EXO1: variants seen among roughly 807,000 people sequenced by gnomAD.
EXO1 encodes exonuclease 1.
A neutral mutation model predicts 84.5 loss-of-function variants in EXO1; 69 were observed. The ratio of observed to expected loss-of-function variants is 0.82; its 90% CI spans 0.67 to 1.00. EXO1 has a LOEUF of 1.00. Ranked by LOEUF, EXO1 falls within the 50% of genes least tolerant of loss-of-function variation. The pLI is 0.00. For missense variants in EXO1, 1,045 were observed against 1,000.7 expected (o/e 1.04, Z -0.60); for synonymous variants, 373 against 366.1 (o/e 1.02, Z -0.21).
At chr1:241,859,329 A>G (rs1028422891) in intron 8 of EXO1, among the ~76,000 whole-genome samples, 3 of 152,192 alleles carry the variant, frequency 2.0e-5, no homozygotes, top group African/African-American at 7.2e-5. Context: ...GTGTTCGTAT[A>G]CAAGTTGAAC....
intron 12 of EXO1, among the ~76,000 whole-genome samples, chr1:241,873,975 T>C (rs1216663499): frequency 6.6e-6 from 1 of 152,054 alleles, no homozygotes; most frequent in African/African-American, 2.4e-5. Flanking sequence ...GTCAGTGCTG[T>C]GATGACCTCT....
At chr1:241,879,638 C>T (rs1662628411) in intron 13 of EXO1, among the ~76,000 whole-genome samples, 1 of 152,142 alleles carries the variant, frequency 6.6e-6, no homozygotes, top group Non-Finnish European at 1.5e-5. Flanking sequence ...GAGTGATAAT[C>T]TGTGAAATGA....
At chr1:241,882,051 A>C (rs777458269) in intron 14 of EXO1, 34 bp downstream of exon 14, 42 of 1,077,514 alleles carry the variant, frequency 3.9e-5, no homozygotes, top group Middle Eastern at 4.0e-4. Context: ...TTTTAATTTC[A>C]GAAGCGGTGT....
At chr1:241,888,377 T>C (rs1300156295) in intron 15 of EXO1, among the ~76,000 whole-genome samples, 2 of 150,546 alleles carry the variant, frequency 1.3e-5, no homozygotes, top group Non-Finnish European at 3.0e-5. Context: ...AGAATACAAA[T>C]AGTCCTGGTA....
chr1:241,874,748 C>T (rs1046024527), intron 12 of EXO1, among the ~76,000 whole-genome samples: 4 of 152,210 alleles, frequency 2.6e-5, no homozygotes, highest in East Asian at 1.9e-4. Flanking sequence ...GCCTTAGGGC[C>T]GATGAAAGGA....
intron 6 of EXO1, 115 bp from the exon 7 acceptor site, chr1:241,857,230 A>G: frequency 1.0e-6 from 1 of 969,968 alleles, no homozygotes; most frequent in Non-Finnish European, 1.6e-6. Flanking sequence ...ATGATTTCTC[A>G]AAGTAATATT....
intron 11 of EXO1, among the ~76,000 whole-genome samples, chr1:241,871,686 A>C (rs1222892951): frequency 1.3e-5 from 2 of 152,122 alleles, no homozygotes; most frequent in African/African-American, 4.8e-5. Flanking sequence ...TTTACATATA[A>C]ATTTTCCTGG....
intron 9 of EXO1, among the ~76,000 whole-genome samples, chr1:241,861,153 C>T (rs1449663435): frequency 6.6e-6 from 1 of 152,220 alleles, no homozygotes; most frequent in East Asian, 1.9e-4. Flanking sequence ...GGACTTTCCC[C>T]TCTGTTTCCC....
chr1:241,885,542 A>T, intron 15 of EXO1, 35 bp downstream of exon 15: 1 of 1,488,240 alleles, frequency 6.7e-7, no homozygotes, highest in Non-Finnish European at 9.4e-7. Flanking sequence ...GAAACAAGAT[A>T]AACTGTTATT....
intron 15 of EXO1, among the ~76,000 whole-genome samples, chr1:241,888,237 G>C (rs997718735): frequency 3.9e-5 from 6 of 152,020 alleles, no homozygotes; most frequent in Non-Finnish European, 7.4e-5. Flanking sequence ...ACGAGACCTT[G>C]TCTCAAAAAA....
chr1:241,861,551 G>C, intron 10 of EXO1, 49 bp downstream of exon 10: 1 of 995,398 alleles, frequency 1.0e-6, no homozygotes, highest in South Asian at 1.3e-5. Flanking sequence ...GTTATGTCCC[G>C]AGCTGTGATT....
At position 241,872,229 on chromosome 1, in the gene EXO1, A is replaced by T; in HGVS notation, c.1465A>T (p.Arg489Trp). 2 of 1,614,006 alleles carry T rather than the reference A, an allele frequency of 1.2e-6. No homozygotes were observed. Among genetic ancestry groups the T allele is most frequent in the Non-Finnish European group, 1.7e-6 (2 of 1,179,880 alleles). Reference protein sequence around the residue: ...TRNKFATFLQRKNEESGAVVV... With the variant: ...TRNKFATFLQWKNEESGAVVV... The stretch of plus-strand genomic sequence containing the variant: ...AAATAAATTTGCAACATTTTTACAA[A>T]GGAAAAATGAAGAAAGTGGTGCAGT... The change falls in exon 12 of 16, where the codon AGG (arginine) becomes TGG (tryptophan). Residue 489 changes from arginine to tryptophan, a missense_variant. Coordinates refer to ENST00000366548, the MANE Select transcript of EXO1 (RefSeq NM_130398.4).
intron 10 of EXO1, among the ~76,000 whole-genome samples, chr1:241,864,262 C>G (rs1032935138): frequency 2.6e-5 from 4 of 152,186 alleles, no homozygotes; most frequent in African/African-American, 7.2e-5. Flanking sequence ...TGCACAGTTA[C>G]ATTTTTCCAA....
chr1:241,867,179 C>A (rs1301457308), intron 11 of EXO1, 124 bp downstream of exon 11: 1 of 750,816 alleles, frequency 1.3e-6, no homozygotes, highest in African/African-American at 1.7e-5. Flanking sequence ...TTGTATTAGT[C>A]CATTTTCACC....
chr1:241,874,809 A>G (rs1014125894), intron 12 of EXO1, among the ~76,000 whole-genome samples: 4 of 152,178 alleles, frequency 2.6e-5, no homozygotes, highest in Non-Finnish European at 4.4e-5. Flanking sequence ...TTATAGATAG[A>G]TGATAAACAT....
upstream of EXO1, chr1:241,848,202 T>C (rs1660457776): frequency 3.3e-5 from 5 of 152,302 alleles, no homozygotes; most frequent in Admixed American, 3.3e-4. The surrounding 1 kb of genome is among the most constrained non-coding windows in gnomAD (Gnocchi z 4.2). Context: ...AATTGAAAGG[T>C]CAGCCTTTCG....
chr1:241,879,775 C>T (rs1423758229), intron 13 of EXO1, among the ~76,000 whole-genome samples: 2 of 152,032 alleles, frequency 1.3e-5, no homozygotes, highest in Non-Finnish European at 1.5e-5. Context: ...GAGGCCGAGG[C>T]GAGCGGATCA....
At chr1:241,850,229 C>T (rs1259047040) in intron 3 of EXO1, among the ~76,000 whole-genome samples, 180 bp from the exon 4 acceptor site, 2 of 150,812 alleles carry the variant, frequency 1.3e-5, no homozygotes, top group Non-Finnish European at 2.9e-5. Flanking sequence ...TGCAGTGAGC[C>T]GATATAGGCC....
rs766219485 is a variant in EXO1 at position 241,879,036 on chromosome 1, C to G, written c.1802C>G (p.Thr601Ser). 7 of 1,614,106 alleles carry G rather than the reference C, an allele frequency of 4.3e-6. 1 individual carries two copies. The East Asian group carries it at 8.9e-5, about 21-fold the overall frequency. ...SKFTRTISPP[T>S]LGTLRSCFSW... The stretch of plus-strand genomic sequence containing the variant: ...TTTACAAGGACCATTTCACCACCCA[C>G]TTTGGGAACACTAAGAAGTTGTTTT... The change falls in exon 13 of 16, where the codon ACT (threonine) becomes AGT (serine). Residue 601 changes from threonine to serine, a missense_variant. Coordinates refer to ENST00000366548, the MANE Select transcript of EXO1 (RefSeq NM_130398.4).
Sources: allele counts gnomAD v4.1 joint callset (sites outside exome capture counted in the v4.1 genomes callset), GRCh38; gene constraint gnomAD v4.1.1; non-coding constraint Gnocchi (gnomAD v3.1); transcripts MANE v1.5; gene names NCBI Gene and HGNC (gene_info 2026-07-23, HGNC 2026-07-21).